ESF1: variants seen among roughly 807,000 people sequenced by gnomAD.
ESF1 encodes the protein ESF1 nucleolar pre-rRNA processing protein, also known as ESF1 homolog.
In ESF1, 58 loss-of-function variants were observed where a neutral mutation model predicts 92.0. The observed-to-expected ratio is 0.63, with a 90% CI of 0.51 to 0.78. The LOEUF is 0.78. Ranked by LOEUF, ESF1 falls within the 30% of genes least tolerant of loss-of-function variation. The probability of loss-of-function intolerance (pLI) is 0.00; values close to 1 mark genes in which losing one functional copy is unlikely to be tolerated. For synonymous variants in ESF1, 321 were observed against 313.7 expected (o/e 1.02, Z -0.24); for missense variants, 922 against 989.1 (o/e 0.93, Z 0.91).
At position 13,761,123 on chromosome 20, in the gene ESF1, G is replaced by A. The variant is rs999099895; in HGVS notation, c.1667-1270C>T. Among the ~76,000 whole-genome samples the A allele has an allele frequency of 1.3e-3, 197 of 152,168 alleles. 1 individual carries two copies. Among genetic ancestry groups the A allele is most frequent in the African/African-American group, 4.6e-3 (189 of 41,486 alleles). ...CTGAAACATGTGCTGTGTCCACTCA[G>A]GGTTAAATGGATTAAAGGCGGTGTA... is the stretch of plus-strand genomic sequence containing the variant. On this transcript the variant is annotated intron_variant, in intron 8 of 13. Transcript: ENST00000617257.
intron 4 of ESF1, among the ~76,000 whole-genome samples, chr20:13,774,026 C>T (rs1046414263): frequency 7.9e-5 from 12 of 151,462 alleles, no homozygotes; most frequent in South Asian, 2.1e-4. Flanking sequence ...ACCCGGGAGG[C>T]GGAGCTTGCA....
intron 4 of ESF1, among the ~76,000 whole-genome samples, chr20:13,774,802 GA>G (rs750281025): frequency 9.2e-5 from 14 of 152,224 alleles, no homozygotes; most frequent in South Asian, 2.1e-4. Flanking sequence ...TAATTTCCAA[GA>G]ACTTTATGTG....
rs182753661 is a variant in ESF1, at chr20:13,783,823, A to T, written c.-43-640T>A. Among the ~76,000 whole-genome samples the T allele has an allele frequency of 2.7e-4, 41 of 152,290 alleles. No homozygotes were observed. In the East Asian group the frequency reaches 7.7e-3, roughly 29 times the overall value. ...AGTGAGACCCTGTCTACCAAAAAAA[A>T]GTAAGAAAGAAAGATTCCCTAGCCT... On this transcript the variant is annotated intron_variant, in intron 1 of 13. Transcript: ENST00000617257.
intron 13 of ESF1, among the ~76,000 whole-genome samples, chr20:13,715,763 T>C (rs1395496793): frequency 1.3e-5 from 2 of 152,164 alleles, no homozygotes; most frequent in African/African-American, 2.4e-5. Context: ...TTTAAGAATA[T>C]ACCCTTAACT....
chr20:13,752,276 C>T (rs759608109), intron 9 of ESF1, among the ~76,000 whole-genome samples: 16 of 152,288 alleles, frequency 1.1e-4, no homozygotes, highest in Non-Finnish European at 1.8e-4. Flanking sequence ...AAGGAGCTCA[C>T]GCTTAGGTTT....
At chr20:13,721,164 C>T (rs537463132) in intron 11 of ESF1, among the ~76,000 whole-genome samples, 1 of 152,284 alleles carries the variant, frequency 6.6e-6, no homozygotes, top group South Asian at 2.1e-4. Flanking sequence ...TATTATAATA[C>T]TAATATCTTT....
chr20:13,773,468 G>C (rs1320033066), intron 4 of ESF1, among the ~76,000 whole-genome samples: 2 of 151,658 alleles, frequency 1.3e-5, no homozygotes, highest in African/African-American at 4.8e-5. Flanking sequence ...TGTTTCTTTG[G>C]CTTGACTTTT....
chr20:13,774,197 C>A (rs964463654), intron 4 of ESF1, among the ~76,000 whole-genome samples: 1 of 151,986 alleles, frequency 6.6e-6, no homozygotes, highest in African/African-American at 2.4e-5. Context: ...GGATTTTGAT[C>A]AAAATTACCC....
intron 9 of ESF1, among the ~76,000 whole-genome samples, chr20:13,753,130 G>A (rs1225084427): frequency 6.6e-6 from 1 of 151,958 alleles, no homozygotes; most frequent in East Asian, 1.9e-4. Context: ...ACTTAAATCT[G>A]CCACCACATG....
At chr20:13,747,678 A>G (rs1978342504) in intron 9 of ESF1, among the ~76,000 whole-genome samples, 1 of 151,030 alleles carries the variant, frequency 6.6e-6, no homozygotes, top group South Asian at 2.1e-4. Flanking sequence ...CAATAGTCAC[A>G]TGTCAGCTAA....
intron 11 of ESF1, among the ~76,000 whole-genome samples, chr20:13,719,793 T>C (rs953301982): frequency 6.6e-6 from 1 of 152,138 alleles, no homozygotes; most frequent in Non-Finnish European, 1.5e-5. Flanking sequence ...TTTGAATATA[T>C]AAACTCAACA....
At chr20:13,770,471 C>T (rs747805922) in intron 6 of ESF1, among the ~76,000 whole-genome samples, 7 of 152,102 alleles carry the variant, frequency 4.6e-5, no homozygotes, top group Non-Finnish European at 1.0e-4. Flanking sequence ...TGGGCTCAAG[C>T]GATCCTCTAC....
At chr20:13,736,306 C>T (rs923830724) in intron 9 of ESF1, among the ~76,000 whole-genome samples, 1 of 152,042 alleles carries the variant, frequency 6.6e-6, no homozygotes, top group African/African-American at 2.4e-5. Context: ...GCCAAATATC[C>T]TCTTGGGGGG....
chr20:13,775,050 C>A (rs1165153585), intron 4 of ESF1, 107 bp downstream of exon 4: 2 of 665,950 alleles, frequency 3.0e-6, no homozygotes, highest in Non-Finnish European at 5.0e-6. Flanking sequence ...GGACAACTTC[C>A]ACAGTATTTT....
intron 9 of ESF1, among the ~76,000 whole-genome samples, chr20:13,748,592 AT>A (rs58809594): frequency 2.7e-4 from 26 of 95,724 alleles, no homozygotes; most frequent in African/African-American, 7.1e-4. Context: ...ATATATATAT[AT>A]TTTTTTTTTT....
chr20:13,774,265 C>G (rs924278648), intron 4 of ESF1, among the ~76,000 whole-genome samples: 1 of 66,162 alleles, frequency 1.5e-5, no homozygotes, highest in African/African-American at 5.1e-5. Context: ...GGTTGAGCAT[C>G]CCAAATCCCA....
In ESF1 at chr20:13,771,322, C is replaced by A. The variant is rs757261416; in HGVS notation, c.1403+9G>T. The A allele has an allele frequency of 6.2e-7, 1 of 1,606,332 alleles. No homozygotes were observed. On this transcript the variant is annotated intron_variant, in intron 6 of 13. Coordinates refer to ENST00000617257, the MANE Select transcript of ESF1 (RefSeq NM_001276380.2). ...AAAGATTAAATTGGTAATACATACACTGGATTACCTTAGATCTATGAAAGA... is the reference window on the plus strand; with the variant it reads ...AAAGATTAAATTGGTAATACATACAATGGATTACCTTAGATCTATGAAAGA...
intron 12 of ESF1, among the ~76,000 whole-genome samples, chr20:13,718,234 GA>G (rs2049843861): frequency 6.6e-6 from 1 of 152,110 alleles, no homozygotes; most frequent in Admixed American, 6.6e-5. Context: ...TGGCTTTTCA[GA>G]GACATTTTCC....
At chr20:13,750,567 A>G (rs1440982186) in intron 9 of ESF1, among the ~76,000 whole-genome samples, 1 of 152,216 alleles carries the variant, frequency 6.6e-6, no homozygotes, top group Non-Finnish European at 1.5e-5. Context: ...ACTTGGCTCC[A>G]AAACCTGAAC....
Sources: gnomAD v4.1 joint callset for allele counts (sites outside exome capture counted in the v4.1 genomes callset) on GRCh38, gnomAD v4.1.1 for gene constraint, MANE v1.5 for transcripts, NCBI Gene and HGNC (gene_info 2026-07-23, HGNC 2026-07-21) for gene names.